The following PCCA variants were observed in gnomAD, a reference collection of about 807,000 sequenced individuals.
The protein encoded by PCCA is propionyl-CoA carboxylase alpha chain, mitochondrial.
In PCCA, 74 loss-of-function variants were observed where a neutral mutation model predicts 101.3. That is an observed-to-expected ratio of 0.73 (90% CI 0.61 to 0.89). PCCA has a LOEUF of 0.89. Among genes scored for constraint, PCCA ranks in the 40% least tolerant of loss-of-function variants. The probability of loss-of-function intolerance (pLI) is 0.00; values close to 1 mark genes in which losing one functional copy is unlikely to be tolerated. For synonymous variants in PCCA, 294 were observed against 313.6 expected, an observed-to-expected ratio of 0.94 and a Z score of 0.66; for missense variants, 891 against 907.0, an observed-to-expected ratio of 0.98 and a Z score of 0.23.
chr13:100,341,741 A>T (rs760715217), intron 18 of PCCA, among the ~76,000 whole-genome samples: 6 of 151,984 alleles, frequency 3.9e-5, no homozygotes, highest in Non-Finnish European at 7.4e-5. Flanking sequence ...CTTTACCTTC[A>T]GATGTTATTT....
intron 22 of PCCA, among the ~76,000 whole-genome samples, chr13:100,521,387 T>C (rs990462892): frequency 6.6e-6 from 1 of 152,132 alleles, no homozygotes; most frequent in African/African-American, 2.4e-5. Flanking sequence ...AGGCCGCTCG[T>C]GCATGGGCCA....
intron 21 of PCCA, among the ~76,000 whole-genome samples, chr13:100,512,441 T>A (rs1186943097): frequency 6.6e-6 from 1 of 152,228 alleles, no homozygotes; most frequent in East Asian, 1.9e-4. Context: ...AGAGAGCAAC[T>A]GTTCTGTTCT....
intron 21 of PCCA, among the ~76,000 whole-genome samples, chr13:100,493,784 T>G (rs1482555177): frequency 1.3e-5 from 2 of 152,200 alleles, no homozygotes; most frequent in Admixed American, 1.3e-4. Flanking sequence ...CCGTGCCCGG[T>G]GAACACTATT....
intron 21 of PCCA, among the ~76,000 whole-genome samples, chr13:100,494,899 T>C (rs1336676812): frequency 6.6e-6 from 1 of 152,126 alleles, no homozygotes; most frequent in South Asian, 2.1e-4. Context: ...CCAAGACTTA[T>C]CTCAAATCCT....
At chr13:100,217,365 C>T (rs1347347306) in intron 7 of PCCA, among the ~76,000 whole-genome samples, 3 of 147,964 alleles carry the variant, frequency 2.0e-5, no homozygotes, top group Non-Finnish European at 3.0e-5. Context: ...AATCGCTGGA[C>T]CACAGGAGGT....
chr13:100,252,184 C>T (rs1250201490), intron 8 of PCCA, among the ~76,000 whole-genome samples: 1 of 152,192 alleles, frequency 6.6e-6, no homozygotes, highest in Non-Finnish European at 1.5e-5. Flanking sequence ...TTACCCATAT[C>T]AGGGCCTATT....
intron 18 of PCCA, among the ~76,000 whole-genome samples, chr13:100,342,298 C>G (rs1399961512): frequency 1.3e-5 from 2 of 152,208 alleles, no homozygotes; most frequent in South Asian, 2.1e-4. Context: ...GAGTCTTGCT[C>G]TGTCGCCCAG....
intron 4 of PCCA, among the ~76,000 whole-genome samples, chr13:100,136,786 T>C (rs1171939652): frequency 6.6e-6 from 1 of 152,064 alleles, no homozygotes; most frequent in Non-Finnish European, 1.5e-5. Context: ...GTCGTTTTTT[T>C]CTTCTTTTCT....
At chr13:100,463,276 A>T (rs896160247) in intron 21 of PCCA, among the ~76,000 whole-genome samples, 18 of 151,008 alleles carry the variant, frequency 1.2e-4, no homozygotes, top group Non-Finnish European at 2.5e-4. Flanking sequence ...TCTGAGGTTC[A>T]TTGAAGGAGT....
intron 8 of PCCA, among the ~76,000 whole-genome samples, chr13:100,243,979 T>C: frequency 6.6e-6 from 1 of 152,238 alleles, no homozygotes; most frequent in Non-Finnish European, 1.5e-5. Context: ...TTATTTTGTC[T>C]ATTTCATGCA....
chr13:100,089,339 G>C, intron 1 of PCCA, 114 bp downstream of exon 1: 11 of 1,290,274 alleles, frequency 8.5e-6, no homozygotes, highest in Non-Finnish European at 1.1e-5. Context: ...CCCGCGCCCC[G>C]GTTCCGCATC....
intron 4 of PCCA, chr13:100,150,530 C>T (rs528845375): frequency 2.8e-5 from 37 of 1,332,904 alleles, no homozygotes; most frequent in East Asian, 4.7e-5. Context: ...CCAAGCTCCC[C>T]GGCGAGAACC....
intron 19 of PCCA, among the ~76,000 whole-genome samples, chr13:100,383,492 C>T (rs1241238820): frequency 6.6e-6 from 1 of 151,834 alleles, no homozygotes; most frequent in East Asian, 2.0e-4. Context: ...CGCCTGTAGC[C>T]TCAGCTACTC....
At chr13:100,165,522 T>C (rs1436346136) in intron 6 of PCCA, among the ~76,000 whole-genome samples, 2 of 152,218 alleles carry the variant, frequency 1.3e-5, no homozygotes, top group Non-Finnish European at 2.9e-5. Context: ...TTTTCTTTAA[T>C]GAAAAATTTA....
chr13:100,208,444 G>A (rs2059004950), intron 6 of PCCA, among the ~76,000 whole-genome samples: 1 of 152,204 alleles, frequency 6.6e-6, no homozygotes, highest in African/African-American at 2.4e-5. Flanking sequence ...ACAATCAGCA[G>A]TTAGGCGCCT....
At chr13:100,151,719 A>G (rs1018963378) in intron 4 of PCCA, among the ~76,000 whole-genome samples, 1 of 152,240 alleles carries the variant, frequency 6.6e-6, no homozygotes, top group South Asian at 2.1e-4. Context: ...TATGAAGACA[A>G]ACTATACTTA....
intron 11 of PCCA, among the ~76,000 whole-genome samples, chr13:100,270,066 G>A (rs1181078081): frequency 1.3e-5 from 2 of 152,208 alleles, no homozygotes; most frequent in East Asian, 3.8e-4. Context: ...TTACACACCA[G>A]CCAGTATGCT....
At chr13:100,335,457 C>T (rs1189386193) in intron 17 of PCCA, among the ~76,000 whole-genome samples, 2 of 152,282 alleles carry the variant, frequency 1.3e-5, no homozygotes, top group Non-Finnish European at 1.5e-5. Context: ...AGAAGTAGCT[C>T]ATTACCACTG....
intron 18 of PCCA, among the ~76,000 whole-genome samples, chr13:100,342,989 AGT>A (rs1041851452): frequency 1.3e-5 from 2 of 152,122 alleles, no homozygotes; most frequent in African/African-American, 4.8e-5. Flanking sequence ...GGCCTCCCAA[AGT>A]GCTGGAATTA....
Sources: gnomAD v4.1 joint callset for allele counts (sites outside exome capture counted in the v4.1 genomes callset) on GRCh38, gnomAD v4.1.1 for gene constraint, MANE v1.5 for transcripts, NCBI Gene and HGNC (gene_info 2026-07-23, HGNC 2026-07-21) for gene names.